Variants in MYH4 observed in about 807,000 individuals in gnomAD.
The protein encoded by MYH4 is myosin-4.
In MYH4, 200 loss-of-function variants were observed where a neutral mutation model predicts 229.9. The observed-to-expected ratio is 0.87, with a 90% CI of 0.78 to 0.98. The LOEUF is 0.98. Ranked by LOEUF, MYH4 falls within the 50% of genes least tolerant of loss-of-function variation. The probability of loss-of-function intolerance (pLI) is 0.00; values close to 1 mark genes in which losing one functional copy is unlikely to be tolerated. For missense variants in MYH4, 2,148 were observed against 2,332.6 expected, an observed-to-expected ratio of 0.92 and a Z score of 1.63; for synonymous variants, 761 against 834.6, an observed-to-expected ratio of 0.91 and a Z score of 1.52.
chr17:10,454,541 T>A lies in MYH4; in HGVS notation c.2691+14A>T, dbSNP rs965236986. 2.5e-6 allele frequency: 4 copies of A among 1,609,132 alleles called. No homozygotes were observed. Among genetic ancestry groups the A allele is most frequent in the African/African-American group, 2.7e-5 (2 of 74,620 alleles). Reference sequence around the variant, plus strand: ...GTAATAAGATGTGGCTGAACTGCAATGTATAATACTTACAGCTTGAACTTG... The same window carrying A: ...GTAATAAGATGTGGCTGAACTGCAAAGTATAATACTTACAGCTTGAACTTG... On this transcript the variant is annotated intron_variant, in intron 22 of 39. Transcript: ENST00000255381.
At chr17:10,448,205 G>A in intron 33 of MYH4, 79 bp from the exon 34 acceptor site, 2 of 1,421,534 alleles carry the variant, frequency 1.4e-6, no homozygotes, top group Non-Finnish European at 9.4e-7. Flanking sequence ...CCCCAAGAAG[G>A]CATTAAAAAA....
chr17:10,460,358 G>A, intron 12 of MYH4, 37 bp from the exon 13 acceptor site: 1 of 1,407,488 alleles, frequency 7.1e-7, no homozygotes, highest in Non-Finnish European at 9.8e-7. Context: ...AACTGACCAT[G>A]GCTTACACAA....
In MYH4 at chr17:10,453,254, G is replaced by A; in HGVS notation, c.3009C>T (p.Leu1003=). The A allele has an allele frequency of 6.2e-7, 1 of 1,614,004 alleles. No homozygotes were observed. Among genetic ancestry groups the A allele is most frequent in the Non-Finnish European group, 8.5e-7 (1 of 1,180,002 alleles). ...IAKLTKEKKA[L]QEAHQQTLDD... ...CCAGGGTCTGCTGGTGGGCCTCCTG[G>A]AGAGCCTTCTTCTCCTTGGTCAGCT... The change falls in exon 24 of 40, where the codon CTC becomes CTT. Residue 1003 remains leucine (L), a synonymous_variant. Coordinates refer to ENST00000255381, the MANE Select transcript of MYH4 (RefSeq NM_017533.2).
chr17:10,462,995 TAG>T, intron 10 of MYH4, 27 bp from the exon 11 acceptor site: 2 of 1,605,206 alleles, frequency 1.2e-6, no homozygotes, highest in Non-Finnish European at 1.7e-6. Flanking sequence ...GAACAGTATA[TAG>T]ACAGCATTGC....
chr17:10,460,368 A>G, intron 12 of MYH4, 47 bp from the exon 13 acceptor site: 2 of 1,361,122 alleles, frequency 1.5e-6, no homozygotes, highest in Non-Finnish European at 2.0e-6. Flanking sequence ...GGCTTACACA[A>G]TTTAAAATGT....
chr17:10,449,904 C>T (rs2072552848), intron 30 of MYH4, among the ~76,000 whole-genome samples: 2 of 152,174 alleles, frequency 1.3e-5, no homozygotes, highest in South Asian at 2.1e-4. Context: ...GCTTCTTTCA[C>T]TAGGAGTATA....
At chr17:10,469,490 A>G (rs2142237156) in intron 1 of MYH4, 47 bp downstream of exon 1, 1 of 152,302 alleles carries the variant, frequency 6.6e-6, no homozygotes, top group Middle Eastern at 3.4e-3. Flanking sequence ...ATGAAAAATC[A>G]TCATCATCAG....
rs779381442 is a variant in MYH4 at position 10,453,857 on chromosome 17, T to C, written c.2720A>G (p.Glu907Gly). ...GGTTTTAATCAACTGATCACATCTT[T>C]CCTCTGCATCAGCCAAGGCATCTGC... ...AEADALADAE[E>G]RCDQLIKTKI... The change falls in exon 23 of 40, where the codon GAA becomes GGA. Residue 907 changes from glutamate (E) to glycine (G), a missense_variant. Coordinates refer to ENST00000255381, the MANE Select transcript of MYH4 (RefSeq NM_017533.2). The C allele has an allele frequency of 4.3e-6, 7 of 1,614,168 alleles. No individual in the cohort carries two copies. The highest frequency in any genetic ancestry group is 5.9e-6 in the Non-Finnish European group (7 of 1,180,018).
chr17:10,457,239 C>T (rs990479538), intron 16 of MYH4, among the ~76,000 whole-genome samples, 181 bp downstream of exon 16: 6 of 152,228 alleles, frequency 3.9e-5, no homozygotes, highest in South Asian at 2.1e-4. Flanking sequence ...CATAGTGTCA[C>T]TTAGCTCTGA....
chr17:10,453,064 C>A, intron 24 of MYH4, 88 bp downstream of exon 24: 2 of 1,596,748 alleles, frequency 1.3e-6, no homozygotes, highest in South Asian at 2.2e-5. Context: ...ACAGACCAAG[C>A]GTTAAAGGCT....
rs766168759 is a variant in MYH4 at position 10,448,889 on chromosome 17, T to C, written c.4340A>G (p.Asp1447Gly). 5.0e-6 allele frequency: 8 copies of C among 1,614,024 alleles called. No individual in the cohort carries two copies. In the Admixed American group the frequency reaches 6.7e-5, roughly 13 times the overall value. The change falls in exon 31 of 40, where the codon GAT (aspartate) becomes GGT (glycine). Residue 1447 changes from aspartate (D) to glycine (G), a missense_variant. By Grantham distance (94) the Asp-to-Gly change is moderately conservative (BLOSUM62 -1). Transcript: ENST00000255381. ...ERSNAACIAL[D>G]KKQRNFDKVL... ...CTTGTCAAAGTTTCTTTGCTTCTTA[T>C]CGAGAGCTATGCAGGCAGCATTAGA...
In MYH4 at chr17:10,447,016, A is replaced by C. The variant is rs1172437028; in HGVS notation, c.5166T>G (p.Thr1722=). Residue 1722 remains threonine, a synonymous_variant, in exon 35 of 40, where the codon ACT becomes ACG. Transcript: ENST00000255381. ...AAACCATAGTCTTGAACCTCACCTG[A>C]GTGTGCAGAAGTTGCACACGTTCAC... is the stretch of plus-strand genomic sequence containing the variant. ...DASERVQLLH[T]QNTSLINTKK... is the part of the protein sequence containing the mutation. 6.2e-7 allele frequency: 1 copy of C among 1,613,498 alleles called. No individual in the cohort carries two copies. Among genetic ancestry groups the C allele is most frequent in the Non-Finnish European group, 8.5e-7 (1 of 1,179,520 alleles).
rs1399171992 is a variant in MYH4 at position 10,443,913 on chromosome 17, C to T, written c.5668-386G>A. On this transcript the variant is annotated intron_variant, in intron 39 of 39. Transcript: ENST00000255381. The surrounding 1 kb of genome is among the most constrained non-coding windows in gnomAD (Gnocchi z 4.6). The stretch of plus-strand genomic sequence containing the variant: ...GGGCAACAAGAGCAAAACTCTGCCT[C>T]GAAAAAAAAAAAAAGAAGAGAAAAA... Among the ~76,000 whole-genome samples the T allele has an allele frequency of 7.2e-6, 1 of 139,802 alleles. No individual in the cohort carries two copies. Among genetic ancestry groups the T allele is most frequent in the Non-Finnish European group, 1.5e-5 (1 of 65,008 alleles). The allele number at this position is 139,802 out of a possible 152,430, so 91.7% of individuals were successfully genotyped here.
Position 10,450,844 on chromosome 17 carries a change from G to A in MYH4, c.3917C>T (p.Ser1306Phe), listed in dbSNP as rs1013149936. 6.2e-7 allele frequency: 1 copy of A among 1,613,964 alleles called. No homozygotes were observed. Among genetic ancestry groups the A allele is most frequent in the African/African-American group, 1.3e-5 (1 of 74,894 alleles). The stretch of plus-strand genomic sequence containing the variant: ...TTGTGTAAATGCTTGTTTGCCTCGG[G>A]ATAGCTGAGAAACCATAGCATCTTT... ...DEKDAMVSQLSRGKQAFTQQI... is the reference protein window; with the variant it reads ...DEKDAMVSQLFRGKQAFTQQI... The change falls in exon 29 of 40, where the codon TCC (serine) becomes TTC (phenylalanine). Residue 1306 changes from serine to phenylalanine, a missense_variant. Coordinates refer to ENST00000255381, the MANE Select transcript of MYH4 (RefSeq NM_017533.2).
chr17:10,463,919 C>A (rs2072731379), intron 7 of MYH4, among the ~76,000 whole-genome samples: 2 of 152,334 alleles, frequency 1.3e-5, no homozygotes, highest in Admixed American at 1.3e-4. Context: ...CTATTCATCT[C>A]ATTCTCATGA....
chr17:10,459,541 T>C lies in MYH4; in HGVS notation c.1417-120A>G, dbSNP rs565531385. ...GTTTATTAAATTATAAACCTTCAGA[T>C]TGTTTTCCTATTATATAGTTCTAAA... On this transcript the variant is annotated intron_variant, in intron 14 of 39. Coordinates refer to ENST00000255381, the MANE Select transcript of MYH4 (RefSeq NM_017533.2). 8.3e-4 allele frequency: 1,257 copies of C among 1,513,496 alleles called. 1 individual carries two copies. Among genetic ancestry groups the C allele is most frequent in the Non-Finnish European group, 1.1e-3 (1,193 of 1,117,776 alleles). 93.8% of individuals were successfully genotyped at this position (1,513,496 alleles called of 1,614,324 possible).
intron 2 of MYH4, 128 bp from the exon 3 acceptor site, chr17:10,466,912 T>A: frequency 1.3e-6 from 1 of 745,228 alleles, no homozygotes; most frequent in Non-Finnish European, 2.1e-6. Context: ...ACCACTCCTG[T>A]ATACTATGTC....
chr17:10,467,690 C>T (rs1032512125), intron 2 of MYH4, among the ~76,000 whole-genome samples: 2 of 152,080 alleles, frequency 1.3e-5, no homozygotes, highest in Non-Finnish European at 2.9e-5. Flanking sequence ...CTTTCTTCTC[C>T]TCTTTTTAAA....
chr17:10,447,582 T>G (rs2072525512), intron 34 of MYH4, among the ~76,000 whole-genome samples: 1 of 152,196 alleles, frequency 6.6e-6, no homozygotes, highest in East Asian at 1.9e-4. Context: ...TTTCATCACT[T>G]CCTCTATCTC....
Sources: allele counts gnomAD v4.1 joint callset (sites outside exome capture counted in the v4.1 genomes callset), GRCh38; gene constraint gnomAD v4.1.1; non-coding constraint Gnocchi (gnomAD v3.1); transcripts MANE v1.5; gene names NCBI Gene and HGNC (gene_info 2026-07-23, HGNC 2026-07-21).